Variants in CASK observed in about 807,000 individuals in gnomAD.
CASK encodes calcium/calmodulin dependent serine protein kinase.
Under a neutral mutation model 82.9 loss-of-function variants are expected in CASK, and 4 were observed. That is an observed-to-expected ratio of 0.05 (90% CI 0.02 to 0.11). The LOEUF is 0.11. CASK is among the 10% of genes least tolerant of loss of function. The pLI, the probability that CASK is intolerant of heterozygous loss-of-function variation, is 1.00. For synonymous variants in CASK, 259 were observed against 253.5 expected, an observed-to-expected ratio of 1.02 and a Z score of -0.20; for missense variants, 358 against 720.9, an observed-to-expected ratio of 0.50 and a Z score of 5.76.
chrX:41,685,170 A>G (rs1266011079), intron 5 of CASK, among the ~76,000 whole-genome samples: 1 of 112,089 alleles, frequency 8.9e-6, no homozygotes, highest in Non-Finnish European at 1.9e-5. Flanking sequence ...TCACTTTGCA[A>G]TAGAGTGAGG....
chrX:41,689,513 A>G (rs2067503715), intron 5 of CASK, among the ~76,000 whole-genome samples: 3 of 111,845 alleles, frequency 2.7e-5, no homozygotes, highest in African/African-American at 6.5e-5. Context: ...TCTTTATTAT[A>G]TTATTACTAT....
chrX:41,523,074 A>T (rs2064661181), intron 26 of CASK: 1 of 112,609 alleles, frequency 8.9e-6, no homozygotes, highest in Non-Finnish European at 1.9e-5. Flanking sequence ...ACAAAAACAA[A>T]GCAAAGATGA....
intron 1 of CASK, among the ~76,000 whole-genome samples, chrX:41,909,319 A>C (rs920685000): frequency 2.7e-5 from 3 of 112,337 alleles, no homozygotes; most frequent in African/African-American, 9.7e-5. Context: ...TGTCACTTGT[A>C]GTAAGTTCCA....
At chrX:41,775,995 C>T (rs2069356842) in intron 3 of CASK, among the ~76,000 whole-genome samples, 1 of 108,516 alleles carries the variant, frequency 9.2e-6, no homozygotes, top group African/African-American at 3.3e-5. Context: ...TGTAACTAAC[C>T]TGCACATTGT....
intron 17 of CASK, among the ~76,000 whole-genome samples, chrX:41,560,989 G>T (rs2065220798): frequency 9.0e-6 from 1 of 111,626 alleles, no homozygotes; most frequent in African/African-American, 3.3e-5. Flanking sequence ...AGTGGGAAAA[G>T]GGATCAGAGG....
At chrX:41,829,396 C>T (rs756051618) in intron 2 of CASK, among the ~76,000 whole-genome samples, 9 of 108,230 alleles carry the variant, frequency 8.3e-5, no homozygotes, top group Non-Finnish European at 1.1e-4. Context: ...TTTTTAAGCC[C>T]GGCTTCTTTC....
chrX:41,610,173 G>A, intron 11 of CASK, 148 bp from the exon 12 acceptor site: 1 of 545,234 alleles, frequency 1.8e-6, no homozygotes, highest in Non-Finnish European at 3.0e-6. Flanking sequence ...ACTTAAATGA[G>A]TTTCATATAA....
intron 5 of CASK, among the ~76,000 whole-genome samples, chrX:41,706,108 C>T (rs1602497842): frequency 8.9e-6 from 1 of 111,889 alleles, no homozygotes; most frequent in Non-Finnish European, 1.9e-5. Flanking sequence ...ACACTGTTTC[C>T]TCTACATGAA....
chrX:41,759,696 T>A (rs2068965549), intron 3 of CASK, among the ~76,000 whole-genome samples: 1 of 111,725 alleles, frequency 9.0e-6, no homozygotes, highest in East Asian at 2.8e-4. Context: ...GGGTTGATCA[T>A]GACTCCTCAA....
At chrX:41,635,980 TC>T (rs2066546822) in intron 9 of CASK, among the ~76,000 whole-genome samples, 1 of 93,609 alleles carries the variant, frequency 1.1e-5, no homozygotes, top group African/African-American at 4.0e-5. Context: ...CACTGCAACC[TC>T]CACCTCCCAA....
intron 3 of CASK, among the ~76,000 whole-genome samples, chrX:41,766,744 G>A (rs746530426): frequency 4.5e-5 from 5 of 111,220 alleles, no homozygotes; most frequent in Non-Finnish European, 7.5e-5. Flanking sequence ...GAAATTAGCC[G>A]GGCATGGTGA....
intron 5 of CASK, chrX:41,729,875 A>G (rs1210089919): frequency 9.0e-6 from 1 of 110,807 alleles, no homozygotes; most frequent in East Asian, 3.1e-4. Flanking sequence ...TTAAGTGAAC[A>G]TTTAAAGATA....
intron 25 of CASK, among the ~76,000 whole-genome samples, chrX:41,526,804 CT>C: frequency 8.9e-6 from 1 of 111,805 alleles, no homozygotes; most frequent in Middle Eastern, 4.6e-3. Flanking sequence ...TATTTCTATA[CT>C]TTATTATTGT....
intron 5 of CASK, among the ~76,000 whole-genome samples, chrX:41,733,765 TAAATA>T (rs1359008084): frequency 9.1e-6 from 1 of 110,020 alleles, no homozygotes; most frequent in African/African-American, 3.3e-5. Flanking sequence ...AATAAATAAA[TAAATA>T]AAATAAATAA....
chrX:41,864,561 A>G (rs1414330877), intron 1 of CASK, among the ~76,000 whole-genome samples: 1 of 111,931 alleles, frequency 8.9e-6, no homozygotes, highest in Non-Finnish European at 1.9e-5. Context: ...CAACACAAAT[A>G]CAAATTATGA....
At chrX:41,663,706 G>C (rs1014708615) in intron 7 of CASK, among the ~76,000 whole-genome samples, 3 of 111,607 alleles carry the variant, frequency 2.7e-5, no homozygotes, top group Non-Finnish European at 5.6e-5. Flanking sequence ...ACTCAAAAAC[G>C]CAGGTGGGGG....
At chrX:41,813,260 C>A (rs1458482266) in intron 2 of CASK, among the ~76,000 whole-genome samples, 8 of 111,224 alleles carry the variant, frequency 7.2e-5, no homozygotes, top group Admixed American at 4.8e-4. Flanking sequence ...TCATATGGAA[C>A]CAAAAAAGAG....
chrX:41,650,943 T>C (rs1216691311), intron 8 of CASK, among the ~76,000 whole-genome samples: 1 of 111,951 alleles, frequency 8.9e-6, no homozygotes, highest in Admixed American at 9.5e-5. Flanking sequence ...TCAGATGACA[T>C]AAGTAGTGAA....
chrX:41,841,551 T>C (rs1394776766), intron 2 of CASK, among the ~76,000 whole-genome samples: 1 of 103,790 alleles, frequency 9.6e-6, no homozygotes, highest in Non-Finnish European at 2.0e-5. Context: ...AGTCTCGCTC[T>C]GTCACCCAGG....
Sources: gnomAD v4.1 joint callset for allele counts (sites outside exome capture counted in the v4.1 genomes callset) on GRCh38, gnomAD v4.1.1 for gene constraint, MANE v1.5 for transcripts, NCBI Gene and HGNC (gene_info 2026-07-23, HGNC 2026-07-21) for gene names.